NTSR1: variants seen among roughly 807,000 people sequenced by gnomAD.
The protein encoded by NTSR1 is neurotensin receptor 1.
NTSR1 carries 29 observed loss-of-function variants against 31.2 expected under a neutral mutation model. The observed-to-expected ratio is 0.93, with a 90% CI of 0.69 to 1.27. The LOEUF (loss-of-function observed/expected upper bound fraction) is 1.27. NTSR1 is among the 50% of genes most tolerant of loss of function. NTSR1 has a pLI of 0.00. For synonymous variants in NTSR1, 282 were observed against 269.9 expected (o/e 1.04, Z -0.44); for missense variants, 697 against 595.4 (o/e 1.17, Z -1.78).
intron 1 of NTSR1, among the ~76,000 whole-genome samples, chr20:62,724,168 A>G (rs1045330088): frequency 2.6e-5 from 4 of 152,308 alleles, no homozygotes; most frequent in East Asian, 1.9e-4. Flanking sequence ...GACCCGAGCC[A>G]TGACCTCCCA....
chr20:62,752,001 G>A (rs527849838), intron 1 of NTSR1, among the ~76,000 whole-genome samples: 124 of 152,314 alleles, frequency 8.1e-4, no homozygotes, highest in Admixed American at 1.3e-3. Flanking sequence ...CAAGGCTGAC[G>A]CTCCCTTGTC....
chr20:62,748,889 G>A (rs942362524), intron 1 of NTSR1, among the ~76,000 whole-genome samples: 4 of 152,290 alleles, frequency 2.6e-5, no homozygotes, highest in East Asian at 1.9e-4. Context: ...CTCTGCACGC[G>A]ATGCCCCATG....
At chr20:62,718,586 C>CA (rs1988777207) in intron 1 of NTSR1, among the ~76,000 whole-genome samples, 1 of 151,510 alleles carries the variant, frequency 6.6e-6, no homozygotes, top group Admixed American at 6.6e-5. Context: ...TCTCCTCCCC[C>CA]ACAGCTTTGC....
At chr20:62,757,156 A>C (rs576131265) in intron 2 of NTSR1, among the ~76,000 whole-genome samples, 10 of 152,344 alleles carry the variant, frequency 6.6e-5, no homozygotes, top group African/African-American at 2.4e-4. Context: ...CATTGCCAAA[A>C]TCAATGTTGT....
At chr20:62,727,765 C>T (rs1423253169) in intron 1 of NTSR1, among the ~76,000 whole-genome samples, 4 of 152,282 alleles carry the variant, frequency 2.6e-5, no homozygotes, top group Non-Finnish European at 5.9e-5. Context: ...ATGGCCCCGG[C>T]CTCAGAACTG....
rs1988803265 is a variant in NTSR1, at chr20:62,719,869, G to C, written c.714+9948G>C. 3.3e-5 allele frequency among the ~76,000 whole-genome samples: 5 copies of C among 152,292 alleles called. No homozygotes were observed. The South Asian group carries it at 1.0e-3, about 32-fold the overall frequency. The stretch of plus-strand genomic sequence containing the variant: ...TTTTCTGGCCTCATAACATGAGCTG[G>C]GAGGTTCTTGTTCCTTTTGTGTTTT... On this transcript the variant is annotated intron_variant, in intron 1 of 3. Coordinates refer to ENST00000370501, the MANE Select transcript of NTSR1 (RefSeq NM_002531.3).
chr20:62,726,695 A>AAG (rs1491550805), intron 1 of NTSR1, among the ~76,000 whole-genome samples: 1 of 14,268 alleles, frequency 7.0e-5, no homozygotes, highest in Admixed American at 1.8e-3. Flanking sequence ...AACCTGTCTC[A>AAG]AAAAAAAAAA....
Position 62,715,987 on chromosome 20 carries a change from C to A in NTSR1, c.714+6066C>A, listed in dbSNP as rs1988708530. Among the ~76,000 whole-genome samples the A allele has an allele frequency of 6.6e-6, 1 of 152,182 alleles. No homozygotes were observed. Among genetic ancestry groups the A allele is most frequent in the African/African-American group, 2.4e-5 (1 of 41,430 alleles). On this transcript the variant is annotated intron_variant, in intron 1 of 3. Transcript: ENST00000370501. This position sits in a 1 kb window ranked among gnomAD's most constrained non-coding sequence, Gnocchi z 4.7. ...TCTCAATCAAATCTCACGTGGTGAT[C>A]TAGTAGTTTGTATTAAGAGAAGAAA...
chr20:62,754,747 C>T lies in NTSR1; in HGVS notation c.777C>T (p.Ile259=), dbSNP rs774769145. Residue 259 remains isoleucine, a synonymous_variant, in exon 2 of 4, where the codon ATC becomes ATT. Transcript: ENST00000370501. ...TCATCTCGGTCCTGAACACCATCATCGCCAACAAGCTGACCGTCATGGTAC... is the reference window on the plus strand; with the variant it reads ...TCATCTCGGTCCTGAACACCATCATTGCCAACAAGCTGACCGTCATGGTAC... ...MVVISVLNTI[I]ANKLTVMVRQ... 1.1e-5 allele frequency: 18 copies of T among 1,612,772 alleles called. No homozygotes were observed. Among genetic ancestry groups the T allele is most frequent in the Admixed American group, 3.3e-5 (2 of 59,982 alleles).
intron 1 of NTSR1, among the ~76,000 whole-genome samples, chr20:62,728,296 G>A (rs1381401626): frequency 6.6e-6 from 1 of 152,150 alleles, no homozygotes; most frequent in Admixed American, 6.5e-5. Context: ...CGGCTACTCA[G>A]CTGGACCCCA....
At position 62,744,758 on chromosome 20, in the gene NTSR1, G is replaced by T. The variant is rs971507399; in HGVS notation, c.715-9927G>T. On this transcript the variant is annotated intron_variant, in intron 1 of 3. Transcript: ENST00000370501. This position sits in a 1 kb window ranked among gnomAD's most constrained non-coding sequence, Gnocchi z 4.1. Reference sequence around the variant, plus strand: ...AAAAAAAGAGAGAAATGAGCCTGAGGCCCAGGAGGACCTGCCGAGCTCACA... The same window carrying T: ...AAAAAAAGAGAGAAATGAGCCTGAGTCCCAGGAGGACCTGCCGAGCTCACA... 2.6e-5 allele frequency among the ~76,000 whole-genome samples: 4 copies of T among 152,010 alleles called. No homozygotes were observed. Among genetic ancestry groups the T allele is most frequent in the African/African-American group, 9.7e-5 (4 of 41,372 alleles).
intron 1 of NTSR1, among the ~76,000 whole-genome samples, chr20:62,721,039 G>A (rs1161917203): frequency 1.3e-5 from 2 of 152,130 alleles, no homozygotes; most frequent in Non-Finnish European, 2.9e-5. Context: ...TTGTTTCATG[G>A]TTTAGGATAA....
rs1463038722 is a variant in NTSR1, at chr20:62,732,165, A to C, written c.714+22244A>C. ...ACTGTACCGATAACTGGGGCTTTAT[A>C]GCAAGTGTTGAAATCGGTAGTGTCC... On this transcript the variant is annotated intron_variant, in intron 1 of 3. Coordinates refer to ENST00000370501, the MANE Select transcript of NTSR1 (RefSeq NM_002531.3). This position sits in a 1 kb window ranked among gnomAD's most constrained non-coding sequence, Gnocchi z 4.0. Among the ~76,000 whole-genome samples, 1 of 152,008 alleles carries C rather than the reference A, an allele frequency of 6.6e-6. No individual in the cohort carries two copies. The highest frequency in any genetic ancestry group is 2.4e-5 in the African/African-American group (1 of 41,386).
In NTSR1 at chr20:62,709,655, G is replaced by A. The variant is rs753717597; in HGVS notation, c.448G>A (p.Ala150Thr). Residue 150 changes from alanine to threonine, a missense_variant, in exon 1 of 4, where the codon GCC becomes ACC. By Grantham distance (58) the Ala-to-Thr change is moderately conservative. Transcript: ENST00000370501. ...GCRGYYFLRD[A>T]CTYATALNVA... Reference sequence around the variant, plus strand: ...CCGCGGCTACTACTTCCTGCGCGACGCCTGCACCTACGCCACGGCCCTCAA... The same window carrying A: ...CCGCGGCTACTACTTCCTGCGCGACACCTGCACCTACGCCACGGCCCTCAA... 2.5e-6 allele frequency: 4 copies of A among 1,612,486 alleles called. No homozygotes were observed. The highest frequency in any genetic ancestry group is 2.7e-5 in the African/African-American group (2 of 74,932).
intron 1 of NTSR1, among the ~76,000 whole-genome samples, chr20:62,751,639 C>T (rs185929951): frequency 2.0e-5 from 3 of 152,396 alleles, no homozygotes; most frequent in Admixed American, 2.0e-4. Flanking sequence ...GGCTGGCCCT[C>T]ATCAGACAAA....
Position 62,709,308 on chromosome 20 carries a change from G to C in NTSR1, c.101G>C (p.Gly34Ala), listed in dbSNP as rs769635468. 22 of 1,603,682 alleles carry C rather than the reference G, an allele frequency of 1.4e-5. No homozygotes were observed. The highest frequency in any genetic ancestry group is 1.9e-5 in the Non-Finnish European group (22 of 1,177,122). Residue 34 changes from glycine (G) to alanine (A), a missense_variant, in exon 1 of 4, where the codon GGC becomes GCC. Physicochemically the swap from Gly to Ala is moderately conservative, Grantham distance 60. Transcript: ENST00000370501. ...AGLEEALLAP[G>A]FGNASGNASE... ...CTGGAGGAGGCGCTGCTGGCCCCGG[G>C]CTTCGGCAACGCTTCGGGCAACGCG...
At chr20:62,735,039 C>T (rs573470938) in intron 1 of NTSR1, among the ~76,000 whole-genome samples, 5 of 152,216 alleles carry the variant, frequency 3.3e-5, no homozygotes, top group African/African-American at 9.6e-5. Flanking sequence ...AGGCACCAGC[C>T]GGTGCTGAGG....
In NTSR1 at chr20:62,722,070, A is replaced by G. The variant is rs3787536; in HGVS notation, c.714+12149A>G. 1.2e-4 allele frequency among the ~76,000 whole-genome samples: 18 copies of G among 152,206 alleles called. No individual in the cohort carries two copies. The East Asian group carries it at 3.5e-3, about 29-fold the overall frequency. ...GCATATCTAGTAATTTTTAACCTAT[A>G]CTAGACCTTGTAGATGACACATTAA... On this transcript the variant is annotated intron_variant, in intron 1 of 3. Coordinates refer to ENST00000370501, the MANE Select transcript of NTSR1 (RefSeq NM_002531.3).
At position 62,762,499 on chromosome 20, in the gene NTSR1, C is replaced by T. The variant is rs536710949; in HGVS notation, c.*2232C>T. On this transcript the variant is annotated 3_prime_UTR_variant, in exon 4 of 4. Coordinates refer to ENST00000370501, the MANE Select transcript of NTSR1 (RefSeq NM_002531.3). ...TTGATGCTCCTATCTGTGCACTTAC[C>T]GTAGGTAGGGACACGTGTCCACGCA... is the stretch of plus-strand genomic sequence containing the variant. The T allele has an allele frequency of 3.0e-4, 45 of 151,734 alleles. 1 individual carries two copies. Among genetic ancestry groups the T allele is most frequent in the African/African-American group, 1.0e-3 (42 of 41,226 alleles). The allele number at this position is 151,734 out of a possible 1,614,324, so 9.4% of individuals were successfully genotyped here. A position where few individuals can be genotyped will look rare whatever the true frequency, so the allele number is the denominator to read the frequency against.
Sources: gnomAD v4.1 joint callset for allele counts (sites outside exome capture counted in the v4.1 genomes callset) on GRCh38, gnomAD v4.1.1 for gene constraint, Gnocchi (gnomAD v3.1) non-coding constraint, MANE v1.5 for transcripts, NCBI Gene and HGNC (gene_info 2026-07-23, HGNC 2026-07-21) for gene names.